The following ANKFY1 variants were observed in gnomAD, a reference collection of about 807,000 sequenced individuals.
ANKFY1 encodes the protein ankyrin repeat and FYVE domain-containing protein 1.
ANKFY1 carries 47 observed loss-of-function variants against 128.3 expected under a neutral mutation model. The observed-to-expected ratio is 0.37, with a 90% CI of 0.29 to 0.47. The LOEUF is 0.47. Among genes scored for constraint, ANKFY1 ranks in the 20% least tolerant of loss-of-function variants. ANKFY1 has a pLI of 1.00. For synonymous variants in ANKFY1, 553 were observed against 601.6 expected (o/e 0.92, Z 1.18); for missense variants, 1,222 against 1,510.6 (o/e 0.81, Z 3.17).
intron 2 of ANKFY1, among the ~76,000 whole-genome samples, chr17:4,241,010 A>C (rs1191800783): frequency 1.3e-5 from 2 of 152,336 alleles, no homozygotes; most frequent in East Asian, 3.9e-4. Flanking sequence ...ACTTAATAAC[A>C]AAAGCTAACA....
chr17:4,236,325 G>A (rs189105093), intron 2 of ANKFY1, among the ~76,000 whole-genome samples: 25 of 152,240 alleles, frequency 1.6e-4, no homozygotes, highest in Admixed American at 1.3e-3. Context: ...CCACAGTAAC[G>A]CTCAAGCAAG....
At position 4,185,874 on chromosome 17, in the gene ANKFY1, C is replaced by T. The variant is rs189359133; in HGVS notation, c.1471-828G>A. On this transcript the variant is annotated intron_variant, in intron 11 of 24. Transcript: ENST00000341657. ...CCGCCCGGACCTAAGCCCCGGCAAT[C>T]GGCAGCCTTAACGCTGTGGCCGTCG... Among the ~76,000 whole-genome samples the T allele has an allele frequency of 1.4e-4, 22 of 152,300 alleles. No homozygotes were observed. In the South Asian group the frequency reaches 3.1e-3, roughly 22 times the overall value.
chr17:4,196,289 C>G (rs1158548117), intron 8 of ANKFY1, among the ~76,000 whole-genome samples: 1 of 151,958 alleles, frequency 6.6e-6, no homozygotes, highest in East Asian at 1.9e-4. Context: ...TCACATGATA[C>G]TGAGATTTCA....
intron 7 of ANKFY1, among the ~76,000 whole-genome samples, chr17:4,198,077 T>TG (rs2059859980): frequency 6.7e-6 from 1 of 150,326 alleles, no homozygotes; most frequent in African/African-American, 2.5e-5. Context: ...TGCGGTGAGC[T>TG]GAGACCACAT....
chr17:4,202,981 CATAT>C (rs56774221), intron 7 of ANKFY1, among the ~76,000 whole-genome samples: 8 of 146,282 alleles, frequency 5.5e-5, no homozygotes, highest in African/African-American at 1.2e-4. Context: ...TAATCATACA[CATAT>C]ATATATATAT....
At position 4,178,921 on chromosome 17, in the gene ANKFY1, A is replaced by G; in HGVS notation, c.2534T>C (p.Met845Thr). The change falls in exon 18 of 25, where the codon ATG becomes ACG. Residue 845 changes from methionine to threonine, a missense_variant. Met to Thr is a moderately conservative substitution (Grantham distance 81, BLOSUM62 -1). Transcript: ENST00000341657. This position sits in a 1 kb window ranked among gnomAD's most constrained non-coding sequence, Gnocchi z 4.1. ...RQGLTPFACA[M>T]TFKNNKSAEA... is the part of the protein sequence containing the mutation. ...GGCTGACTTGTTGTTCTTGAAAGTC[A>G]TGGCACAGGCAAACGGGGTCAGCCC... 1 of 1,614,184 alleles carries G rather than the reference A, an allele frequency of 6.2e-7. No homozygotes were observed. The highest frequency in any genetic ancestry group is 8.5e-7 in the Non-Finnish European group (1 of 1,180,042).
At position 4,177,525 on chromosome 17, in the gene ANKFY1, C is replaced by T. The variant is rs929004432; in HGVS notation, c.2599-223G>A. Among the ~76,000 whole-genome samples the T allele has an allele frequency of 2.6e-5, 4 of 152,236 alleles. No individual in the cohort carries two copies. The East Asian group carries it at 5.8e-4, about 22-fold the overall frequency. On this transcript the variant is annotated intron_variant, in intron 18 of 24. Coordinates refer to ENST00000341657, the MANE Select transcript of ANKFY1 (RefSeq NM_001330063.2). ...AACCAGGTGTGCGTGGCCACACCCA[C>T]GTGGTCAGGAGAAGGGAGCCACTGT...
intron 7 of ANKFY1, among the ~76,000 whole-genome samples, chr17:4,202,351 A>C (rs1463628702): frequency 7.0e-6 from 1 of 143,862 alleles, no homozygotes; most frequent in African/African-American, 2.6e-5. Context: ...CAGTGAGCCG[A>C]GATTGCAGCA....
At chr17:4,198,129 T>TAA (rs1567935076) in intron 7 of ANKFY1, among the ~76,000 whole-genome samples, 1 of 147,756 alleles carries the variant, frequency 6.8e-6, no homozygotes, top group African/African-American at 2.5e-5. Flanking sequence ...AACTCCGTCT[T>TAA]AAAAAAAAAA....
intron 1 of ANKFY1, among the ~76,000 whole-genome samples, chr17:4,244,974 T>C (rs2143420576): frequency 6.6e-6 from 1 of 151,978 alleles, no homozygotes; most frequent in Admixed American, 6.6e-5. Flanking sequence ...TGCCATTCCC[T>C]CTTCTGTCCC....
chr17:4,195,244 C>T (rs2059796038), intron 9 of ANKFY1, 67 bp from the exon 10 acceptor site: 25 of 1,493,354 alleles, frequency 1.7e-5, no homozygotes, highest in Non-Finnish European at 2.1e-5. Context: ...TGACAACAAC[C>T]TGGTTCTTTC....
At chr17:4,182,695 T>A (rs1350237683) in intron 14 of ANKFY1, among the ~76,000 whole-genome samples, 1 of 152,226 alleles carries the variant, frequency 6.6e-6, no homozygotes, top group African/African-American at 2.4e-5. Context: ...TAAAGGTAAG[T>A]TCTTTTGAAA....
intron 1 of ANKFY1, among the ~76,000 whole-genome samples, chr17:4,258,558 C>T (rs1968247210): frequency 6.6e-6 from 1 of 151,440 alleles, no homozygotes; most frequent in Non-Finnish European, 1.5e-5. Context: ...CAGCAAAGTT[C>T]CTTCTTTCCT....
chr17:4,218,215 GA>G (rs1222600714), intron 3 of ANKFY1, among the ~76,000 whole-genome samples: 1 of 152,010 alleles, frequency 6.6e-6, no homozygotes, highest in African/African-American at 2.4e-5. Flanking sequence ...TACATATGTA[GA>G]CATTATCCAA....
At position 4,167,820 on chromosome 17, in the gene ANKFY1, T is replaced by G. The variant is rs1360140001; in HGVS notation, c.3469A>C (p.Asn1157His). 1.2e-6 allele frequency: 2 copies of G among 1,613,890 alleles called. No homozygotes were observed. Among genetic ancestry groups the G allele is most frequent in the Non-Finnish European group, 1.7e-6 (2 of 1,179,894 alleles). ...FDLNKPVRVCNICFDVLTLGG... is the reference protein window; with the variant it reads ...FDLNKPVRVCHICFDVLTLGG... ...AGAGTCAGTACATCAAAACAAATGT[T>G]GCAAACCCGCACAGGCTTGTTCAGA... Residue 1157 changes from asparagine (N) to histidine (H), a missense_variant, in exon 25 of 25, where the codon AAC becomes CAC. Physicochemically the swap from Asn to His is moderately conservative, Grantham distance 68. Coordinates refer to ENST00000341657, the MANE Select transcript of ANKFY1 (RefSeq NM_001330063.2). This position sits in a 1 kb window ranked among gnomAD's most constrained non-coding sequence, Gnocchi z 4.1.
At chr17:4,234,374 A>T (rs1300956524) in intron 3 of ANKFY1, among the ~76,000 whole-genome samples, 1 of 152,206 alleles carries the variant, frequency 6.6e-6, no homozygotes, top group Non-Finnish European at 1.5e-5. Context: ...CTAAATGAAA[A>T]TGCAACCTTC....
At chr17:4,173,191 ATACCGG>A (rs2059353534) in intron 21 of ANKFY1, among the ~76,000 whole-genome samples, 157 bp downstream of exon 21, 1 of 152,232 alleles carries the variant, frequency 6.6e-6, no homozygotes, top group Non-Finnish European at 1.5e-5. Context: ...TAAAACAAAA[ATACCGG>A]TACCAAAAGT....
At chr17:4,220,485 T>C (rs2060292124) in intron 3 of ANKFY1, among the ~76,000 whole-genome samples, 1 of 152,220 alleles carries the variant, frequency 6.6e-6, no homozygotes, top group Non-Finnish European at 1.5e-5. Flanking sequence ...TAGCAGTTTC[T>C]TAAATACTAT....
Position 4,182,336 on chromosome 17 carries a change from C to T in ANKFY1, c.1966G>A (p.Glu656Lys), listed in dbSNP as rs2059531092. 6.3e-7 allele frequency: 1 copy of T among 1,581,352 alleles called. No homozygotes were observed. Among genetic ancestry groups the T allele is most frequent in the Non-Finnish European group, 8.6e-7 (1 of 1,161,748 alleles). ...ADINVRTQDG[E>K]TALQLAIRNQ... ...CTGATGGCCAGCTGGAGGGCTGTCT[C>T]CCCGTCCTGAGTCCTGCTAGGACAT... Residue 656 changes from glutamate to lysine, a missense_variant, in exon 15 of 25, where the codon GAG (glutamate) becomes AAG (lysine). Transcript: ENST00000341657.
Sources: allele counts gnomAD v4.1 joint callset (sites outside exome capture counted in the v4.1 genomes callset), GRCh38; gene constraint gnomAD v4.1.1; non-coding constraint Gnocchi (gnomAD v3.1); transcripts MANE v1.5; gene names NCBI Gene and HGNC (gene_info 2026-07-23, HGNC 2026-07-21).